Variants in PTPRT observed in about 807,000 individuals in gnomAD.
The protein encoded by PTPRT is protein tyrosine phosphatase receptor type T.
A neutral mutation model predicts 176.8 loss-of-function variants in PTPRT; 56 were observed. That is an observed-to-expected ratio of 0.32 (90% CI 0.26 to 0.40). The LOEUF is 0.40. PTPRT is among the 10% of genes least tolerant of loss of function. PTPRT has a pLI of 1.00. For missense variants in PTPRT, 1,540 were observed against 1,908.2 expected (o/e 0.81, Z 3.60); for synonymous variants, 783 against 739.0 (o/e 1.06, Z -0.96).
At chr20:43,044,147 T>C (rs891039350) in intron 1 of PTPRT, among the ~76,000 whole-genome samples, 1 of 152,080 alleles carries the variant, frequency 6.6e-6, no homozygotes, top group South Asian at 2.1e-4. Flanking sequence ...TAGGCTGAAT[T>C]TGGAGCACCT....
intron 7 of PTPRT, among the ~76,000 whole-genome samples, chr20:42,643,969 C>G (rs1181015957): frequency 6.6e-6 from 1 of 152,068 alleles, no homozygotes; most frequent in East Asian, 1.9e-4. Flanking sequence ...GGAAAGAAAG[C>G]CTTCTAGCAA....
chr20:42,896,881 C>A (rs1397640616), intron 1 of PTPRT, among the ~76,000 whole-genome samples: 1 of 152,118 alleles, frequency 6.6e-6, no homozygotes, highest in Non-Finnish European at 1.5e-5. Flanking sequence ...ATTGTGAACA[C>A]CCTATCGTGG....
intron 4 of PTPRT, 28 bp from the exon 5 acceptor site, chr20:42,771,578 G>A (rs777181984): frequency 8.2e-6 from 13 of 1,587,074 alleles, no homozygotes; most frequent in Non-Finnish European, 8.7e-7. Flanking sequence ...GAACACAAGA[G>A]AATGAGATTC....
intron 1 of PTPRT, among the ~76,000 whole-genome samples, chr20:43,045,949 AC>A (rs1315318390): frequency 6.6e-6 from 1 of 152,208 alleles, no homozygotes; most frequent in Non-Finnish European, 1.5e-5. Context: ...ACTCACAAGG[AC>A]TAAGTCATGC....
chr20:42,732,276 T>C (rs2076473048), intron 6 of PTPRT, among the ~76,000 whole-genome samples: 2 of 152,210 alleles, frequency 1.3e-5, no homozygotes, highest in Admixed American at 6.5e-5. Flanking sequence ...ATACAGAACA[T>C]TCCAATCACA....
intron 1 of PTPRT, among the ~76,000 whole-genome samples, chr20:42,961,834 G>A (rs1982000427): frequency 1.3e-5 from 2 of 152,242 alleles, no homozygotes; most frequent in Non-Finnish European, 2.9e-5. Context: ...ATTATCCAGT[G>A]AGGCCCAATG....
chr20:42,608,718 T>C, intron 7 of PTPRT, among the ~76,000 whole-genome samples: 1 of 152,204 alleles, frequency 6.6e-6, no homozygotes, highest in Non-Finnish European at 1.5e-5. Flanking sequence ...CAGCTGGCAC[T>C]GTCACCTGGA....
intron 13 of PTPRT, among the ~76,000 whole-genome samples, chr20:42,257,930 G>C (rs1445623177): frequency 3.9e-5 from 6 of 151,988 alleles, no homozygotes; most frequent in African/African-American, 1.5e-4. Flanking sequence ...GCCTCTGAGA[G>C]ACTAAGTAAT....
chr20:42,678,414 C>T (rs1261354584), intron 6 of PTPRT, among the ~76,000 whole-genome samples: 2 of 152,190 alleles, frequency 1.3e-5, no homozygotes, highest in African/African-American at 4.8e-5. Context: ...AATTCTCATG[C>T]CTCAGCCTCC....
rs188040393 is a variant in PTPRT, at chr20:42,690,845, T to A, written c.860-12686A>T. On this transcript the variant is annotated intron_variant, in intron 6 of 30. Coordinates refer to ENST00000373187, the MANE Select transcript of PTPRT (RefSeq NM_007050.6). ...TGGCTGAGTTTCTTCCCATGTAAAA[T>A]CAGGGTCATGGTCATACCTCACTGG... Among the ~76,000 whole-genome samples the A allele has an allele frequency of 5.9e-5, 9 of 152,300 alleles. No homozygotes were observed. In the South Asian group the frequency reaches 1.0e-3, roughly 18 times the overall value.
chr20:43,031,251 C>CG (rs1462241261), intron 1 of PTPRT, among the ~76,000 whole-genome samples: 1 of 152,196 alleles, frequency 6.6e-6, no homozygotes, highest in African/African-American at 2.4e-5. Context: ...AGTACACACT[C>CG]TTAGCAGCTG....
intron 1 of PTPRT, among the ~76,000 whole-genome samples, chr20:42,966,896 C>T (rs964164913): frequency 2.6e-5 from 4 of 152,156 alleles, no homozygotes; most frequent in African/African-American, 4.8e-5. Context: ...TTAGATTCTC[C>T]GCAAATAACA....
intron 9 of PTPRT, among the ~76,000 whole-genome samples, chr20:42,413,124 C>T (rs76924111): frequency 0.012 from 1,850 of 152,110 alleles, 16 homozygotes; most frequent in Non-Finnish European, 0.016. Context: ...TGATACGGCA[C>T]GATATTTTTG....
At chr20:42,936,665 G>T (rs1568688708) in intron 1 of PTPRT, among the ~76,000 whole-genome samples, 1 of 152,140 alleles carries the variant, frequency 6.6e-6, no homozygotes, top group Non-Finnish European at 1.5e-5. Context: ...CTAGATGAGA[G>T]CCAATGATGA....
chr20:42,337,747 G>A (rs138491616), intron 11 of PTPRT, among the ~76,000 whole-genome samples: 2 of 152,154 alleles, frequency 1.3e-5, no homozygotes, highest in Admixed American at 6.6e-5. Context: ...ATCAGTATTC[G>A]ATCTGGGACC....
chr20:42,110,568 G>A (rs2146293569), intron 22 of PTPRT, 81 bp from the exon 23 acceptor site: 1 of 1,447,836 alleles, frequency 6.9e-7, no homozygotes, highest in Non-Finnish European at 9.2e-7. Flanking sequence ...CATAGCTGCT[G>A]CACTGAGGAA....
At chr20:43,092,880 G>C (rs1394917689) in intron 1 of PTPRT, among the ~76,000 whole-genome samples, 1 of 152,174 alleles carries the variant, frequency 6.6e-6, no homozygotes, top group African/African-American at 2.4e-5. Flanking sequence ...ATTTGTTACT[G>C]CTGCCTAACC....
intron 1 of PTPRT, chr20:42,970,890 A>G (rs1304289427): frequency 1.3e-5 from 2 of 152,224 alleles, no homozygotes; most frequent in Non-Finnish European, 2.9e-5. Flanking sequence ...GTCTCCAGAG[A>G]AGAAACTGAG....
chr20:42,660,383 T>C (rs2075201956), intron 7 of PTPRT, among the ~76,000 whole-genome samples: 1 of 152,114 alleles, frequency 6.6e-6, no homozygotes, highest in African/African-American at 2.4e-5. Flanking sequence ...GTTTGGGGTA[T>C]TGTAAGCTTA....
Sources: allele counts gnomAD v4.1 joint callset (sites outside exome capture counted in the v4.1 genomes callset), GRCh38; gene constraint gnomAD v4.1.1; transcripts MANE v1.5; gene names NCBI Gene and HGNC (gene_info 2026-07-23, HGNC 2026-07-21).